Variants in LRPPRC observed in about 807,000 individuals in gnomAD.
The protein encoded by LRPPRC is leucine rich pentatricopeptide repeat containing.
In LRPPRC, 120 loss-of-function variants were observed where a neutral mutation model predicts 180.3. That is an observed-to-expected ratio of 0.67 (90% CI 0.57 to 0.77). The LOEUF (loss-of-function observed/expected upper bound fraction) is 0.77. LRPPRC is among the 30% of genes least tolerant of loss of function. The pLI is 0.00. For synonymous variants in LRPPRC, 723 were observed against 600.0 expected, an observed-to-expected ratio of 1.21 and a Z score of -3.00; for missense variants, 2,012 against 1,657.2, an observed-to-expected ratio of 1.21 and a Z score of -3.72.
intron 36 of LRPPRC, among the ~76,000 whole-genome samples, chr2:43,894,113 G>A (rs1670595749): frequency 6.6e-6 from 1 of 152,034 alleles, no homozygotes; most frequent in Non-Finnish European, 1.5e-5. Context: ...TCATTTCAAA[G>A]GAGTAGCAGG....
At chr2:43,946,061 T>C (rs1371007329) in intron 21 of LRPPRC, 52 bp downstream of exon 21, 1 of 1,570,082 alleles carries the variant, frequency 6.4e-7, no homozygotes, top group Non-Finnish European at 8.8e-7. Flanking sequence ...TCTATCAAGG[T>C]CTGTAGAGCA....
intron 34 of LRPPRC, among the ~76,000 whole-genome samples, chr2:43,897,116 G>A (rs994215844): frequency 3.3e-5 from 5 of 152,100 alleles, no homozygotes; most frequent in Non-Finnish European, 7.3e-5. Context: ...GGAGATAACT[G>A]CTCATTTCTT....
chr2:43,951,571 TTCTGAG>T (rs1188522382), intron 14 of LRPPRC, among the ~76,000 whole-genome samples: 13 of 152,174 alleles, frequency 8.5e-5, no homozygotes, highest in African/African-American at 2.9e-4. Flanking sequence ...TTAAAGTAAG[TTCTGAG>T]ATATATACTG....
chr2:43,925,889 A>T lies in LRPPRC; in HGVS notation c.2805+4T>A. The T allele has an allele frequency of 2.5e-6, 4 of 1,605,410 alleles. No individual in the cohort carries two copies. The highest frequency in any genetic ancestry group is 3.4e-6 in the Non-Finnish European group (4 of 1,172,040). ...TGATTGAGACATCTGAATCAAATACAAACCTGATTATTTGCAACACATCTG... is the reference window on the plus strand; with the variant it reads ...TGATTGAGACATCTGAATCAAATACTAACCTGATTATTTGCAACACATCTG... On this transcript the variant is annotated splice_donor_region_variant and intron_variant, in intron 26 of 37. Transcript: ENST00000260665.
Position 43,910,001 on chromosome 2 carries a change from G to A in LRPPRC, c.3275+2431C>T, listed in dbSNP as rs1671200933. On this transcript the variant is annotated intron_variant, in intron 30 of 37. Coordinates refer to ENST00000260665, the MANE Select transcript of LRPPRC (RefSeq NM_133259.4). ...CCAATCCACAGATACATACACACAC[G>A]CATAACTGAAAGCAACTTTTCATGA... 2.0e-5 allele frequency among the ~76,000 whole-genome samples: 3 copies of A among 152,064 alleles called. No individual in the cohort carries two copies. In the South Asian group the frequency reaches 6.2e-4, roughly 32 times the overall value.
At chr2:43,888,937 A>C (rs1462799984) in intron 37 of LRPPRC, among the ~76,000 whole-genome samples, 1 of 152,222 alleles carries the variant, frequency 6.6e-6, no homozygotes, top group Non-Finnish European at 1.5e-5. Flanking sequence ...TGGGTATGGA[A>C]GGCTGAGGTG....
At chr2:43,896,386 T>A in intron 35 of LRPPRC, 2 of 391,118 alleles carry the variant, frequency 5.1e-6, no homozygotes, top group Non-Finnish European at 9.5e-6. Flanking sequence ...TTGCATTTTT[T>A]AAGGGCCTTT....
At chr2:43,915,931 A>T (rs1162153139) in intron 29 of LRPPRC, among the ~76,000 whole-genome samples, 2 of 152,004 alleles carry the variant, frequency 1.3e-5, no homozygotes, top group African/African-American at 4.8e-5. Flanking sequence ...AAGCCAGGCT[A>T]ATTTGTGTAT....
intron 29 of LRPPRC, among the ~76,000 whole-genome samples, chr2:43,914,987 C>A (rs572007167): frequency 6.9e-6 from 1 of 144,228 alleles, no homozygotes; most frequent in East Asian, 2.0e-4. Context: ...GGTGGGCGAT[C>A]ACTTGAGGTC....
chr2:43,923,889 T>C (rs950484828), intron 27 of LRPPRC, among the ~76,000 whole-genome samples: 2 of 152,168 alleles, frequency 1.3e-5, no homozygotes, highest in African/African-American at 2.4e-5. Context: ...CAAACACAGA[T>C]TATAATTTGC....
chr2:43,968,451 G>C (rs1282181553), intron 11 of LRPPRC, among the ~76,000 whole-genome samples: 1 of 152,070 alleles, frequency 6.6e-6, no homozygotes, highest in African/African-American at 2.4e-5. Context: ...TAAATTCTTA[G>C]GGCAAGATTG....
chr2:43,984,638 T>C (rs1448935438), intron 1 of LRPPRC, among the ~76,000 whole-genome samples: 1 of 152,180 alleles, frequency 6.6e-6, no homozygotes, highest in Non-Finnish European at 1.5e-5. Context: ...TTCACTCTAA[T>C]ACATTCTGGA....
chr2:43,966,010 G>A (rs1673539986), intron 11 of LRPPRC, among the ~76,000 whole-genome samples: 1 of 152,152 alleles, frequency 6.6e-6, no homozygotes, highest in Admixed American at 6.5e-5. Context: ...CTATCTTGAA[G>A]AAACATTTGT....
In LRPPRC at chr2:43,960,087, T is replaced by C. The variant is rs541912672; in HGVS notation, c.1582+454A>G. Among the ~76,000 whole-genome samples the C allele has an allele frequency of 1.0e-3, 159 of 152,350 alleles. 1 individual carries two copies. The highest frequency in any genetic ancestry group is 3.8e-3 in the African/African-American group (158 of 41,572). ...CACACTAGTGTTTAAAAATGTTTAG[T>C]AAACATTTGCTGTGTTTTTGTTAAT... is the stretch of plus-strand genomic sequence containing the variant. On this transcript the variant is annotated intron_variant, in intron 13 of 37. Transcript: ENST00000260665.
At chr2:43,936,632 A>G (rs1351913478) in intron 23 of LRPPRC, among the ~76,000 whole-genome samples, 1 of 152,242 alleles carries the variant, frequency 6.6e-6, no homozygotes, top group East Asian at 1.9e-4. Context: ...GTAAAAGACA[A>G]CGAAGAAATG....
At chr2:43,960,180 T>C (rs2103659892) in intron 13 of LRPPRC, among the ~76,000 whole-genome samples, 1 of 152,308 alleles carries the variant, frequency 6.6e-6, no homozygotes, top group Middle Eastern at 3.4e-3. Context: ...CGCATTTGAT[T>C]TTCACAACTC....
At position 43,987,861 on chromosome 2, in the gene LRPPRC, A is replaced by C. The variant is rs1290708935; in HGVS notation, c.150-5427T>G. ...TATATTTACTGAGTGCTTTCTATGT[A>C]TAAGGCACTGGCTAGAATATTCTTA... On this transcript the variant is annotated intron_variant, in intron 1 of 37. Coordinates refer to ENST00000260665, the MANE Select transcript of LRPPRC (RefSeq NM_133259.4). Among the ~76,000 whole-genome samples the C allele has an allele frequency of 2.0e-5, 3 of 152,328 alleles. No homozygotes were observed. The East Asian group carries it at 5.8e-4, about 29-fold the overall frequency.
rs770077520 is a variant in LRPPRC, at chr2:43,894,623, T to C, written c.3907A>G (p.Thr1303Ala). The C allele has an allele frequency of 5.9e-6, 9 of 1,535,558 alleles. No individual in the cohort carries two copies. Among genetic ancestry groups the C allele is most frequent in the Non-Finnish European group, 8.1e-6 (9 of 1,108,798 alleles). ...ATCAATTCTAACACAGATTTCACAG[T>C]TGATGCCTAGGAAATTACATAAAGG... The part of the protein sequence containing the change: ...RNSRKQGKAS[T>A]VKSVLELIPE... The change falls in exon 36 of 38, where the codon ACT becomes GCT. Residue 1303 changes from threonine to alanine, a missense_variant. Transcript: ENST00000260665.
chr2:43,947,818 G>A (rs549070856), intron 18 of LRPPRC, 43 bp from the exon 19 acceptor site: 15 of 1,257,812 alleles, frequency 1.2e-5, no homozygotes, highest in South Asian at 2.4e-5. Flanking sequence ...GAAAACACAC[G>A]TAAAAATACA....
Sources: allele counts gnomAD v4.1 joint callset (sites outside exome capture counted in the v4.1 genomes callset), GRCh38; gene constraint gnomAD v4.1.1; transcripts MANE v1.5; gene names NCBI Gene and HGNC (gene_info 2026-07-23, HGNC 2026-07-21).